The following GRM1 variants were observed in gnomAD, a reference collection of about 807,000 sequenced individuals.
The protein encoded by GRM1 is metabotropic glutamate receptor 1.
GRM1 carries 33 observed loss-of-function variants against 90.9 expected under a neutral mutation model. The observed-to-expected ratio is 0.36, with a 90% confidence interval of 0.28 to 0.49. The LOEUF (loss-of-function observed/expected upper bound fraction) is 0.49. Among genes scored for constraint, GRM1 ranks in the 20% least tolerant of loss-of-function variants. The pLI is 0.99. For missense variants in GRM1, 1,190 were observed against 1,534.3 expected (o/e 0.78, Z 3.75); for synonymous variants, 700 against 613.2 (o/e 1.14, Z -2.09).
chr6:146,202,803 A>G (rs1779347153), intron 2 of GRM1, among the ~76,000 whole-genome samples: 1 of 152,208 alleles, frequency 6.6e-6, no homozygotes, highest in Non-Finnish European at 1.5e-5. Flanking sequence ...CAAGAACTTC[A>G]GCAGAAAACT....
chr6:146,128,681 A>G (rs1297669196), intron 1 of GRM1, among the ~76,000 whole-genome samples: 1 of 152,152 alleles, frequency 6.6e-6, no homozygotes, highest in Admixed American at 6.5e-5. Context: ...AAATATTAAT[A>G]TTTTAGATTT....
At chr6:146,221,430 G>A (rs980382594) in intron 2 of GRM1, among the ~76,000 whole-genome samples, 9 of 152,098 alleles carry the variant, frequency 5.9e-5, no homozygotes, top group Non-Finnish European at 1.3e-4. Context: ...CCACTTATGA[G>A]TGAGAACATG....
intron 2 of GRM1, among the ~76,000 whole-genome samples, chr6:146,165,871 T>G (rs1777886268): frequency 6.6e-6 from 1 of 152,118 alleles, no homozygotes; most frequent in Admixed American, 6.6e-5. Flanking sequence ...TTGATTTACC[T>G]TAAAGTTGGT....
chr6:146,045,212 A>C (rs1298985666), intron 1 of GRM1, among the ~76,000 whole-genome samples: 1 of 152,042 alleles, frequency 6.6e-6, no homozygotes, highest in African/African-American at 2.4e-5. Context: ...AAATTTAAAA[A>C]ATTATAGAAA....
rs545385410 is a variant in GRM1, at chr6:146,387,505, C to T, written c.1729+489C>T. Among the ~76,000 whole-genome samples, 8 of 151,854 alleles carry T rather than the reference C, an allele frequency of 5.3e-5. No individual in the cohort carries two copies. In the South Asian group the frequency reaches 1.7e-3, roughly 32 times the overall value. ...GGCTTTTATTTTGCTTAAAACCTAT[C>T]AGGAACGAAACATGAAAAATATAAT... On this transcript the variant is annotated intron_variant, in intron 6 of 7. Transcript: ENST00000282753.
At chr6:146,247,201 A>G (rs1190741391) in intron 2 of GRM1, among the ~76,000 whole-genome samples, 1 of 152,134 alleles carries the variant, frequency 6.6e-6, no homozygotes, top group African/African-American at 2.4e-5. Flanking sequence ...CTGAGAAAAG[A>G]TTACTTTCTC....
At chr6:146,087,041 T>C (rs1350835439) in intron 1 of GRM1, among the ~76,000 whole-genome samples, 1 of 152,064 alleles carries the variant, frequency 6.6e-6, no homozygotes, top group Non-Finnish European at 1.5e-5. Flanking sequence ...GATCCAAAAC[T>C]TTTATGTTAA....
rs545574041 is a variant in GRM1 at position 146,397,430 on chromosome 6, C to T, written c.1730-1339C>T. Among the ~76,000 whole-genome samples, 783 of 136,564 alleles carry T rather than the reference C, an allele frequency of 5.7e-3. 2 individuals carry two copies. Among genetic ancestry groups the T allele is most frequent in the Non-Finnish European group, 8.1e-3 (535 of 66,414 alleles). The allele number at this position is 136,564 out of a possible 152,430, so 89.6% of individuals were successfully genotyped here. A position where few individuals can be genotyped will look rare whatever the true frequency, so the allele number is the denominator to read the frequency against. ...CGGAGCTTGCAGTGAGCTGAGATTG[C>T]GCCACTGCACTCCAGCCTGGGCAAC... On this transcript the variant is annotated intron_variant, in intron 6 of 7. Coordinates refer to ENST00000282753, the MANE Select transcript of GRM1 (RefSeq NM_001278064.2).
intron 1 of GRM1, among the ~76,000 whole-genome samples, chr6:146,048,044 T>C (rs891844311): frequency 6.6e-6 from 1 of 151,986 alleles, no homozygotes; most frequent in African/African-American, 2.4e-5. Flanking sequence ...GAACCATGCC[T>C]CATCAACTCT....
chr6:146,249,576 T>C (rs1418105553), intron 2 of GRM1, among the ~76,000 whole-genome samples: 1 of 152,048 alleles, frequency 6.6e-6, no homozygotes, highest in Admixed American at 6.6e-5. Flanking sequence ...AGAGGATATA[T>C]GGAAATACCT....
intron 1 of GRM1, among the ~76,000 whole-genome samples, chr6:146,143,471 T>C (rs534049245): frequency 1.3e-5 from 2 of 152,324 alleles, no homozygotes; most frequent in Admixed American, 6.5e-5. Flanking sequence ...GCAGTATGTC[T>C]TTCTGTTAGT....
Position 146,434,100 on chromosome 6 carries a change from C to A in GRM1, c.2889C>A (p.Ala963=), listed in dbSNP as rs770160068. 26 of 1,613,930 alleles carry A rather than the reference C, an allele frequency of 1.6e-5. No homozygotes were observed. The highest frequency in any genetic ancestry group is 2.1e-5 in the Non-Finnish European group (25 of 1,179,992). ...ACAACGTAGAGGAGGAGGAGGATGC[C>A]CAGCCGATTCGCTTTAGCCCGCCTG... ...TLYNVEEEED[A]QPIRFSPPGS... Residue 963 remains alanine, a synonymous_variant, in exon 8 of 8, where the codon GCC becomes GCA. Coordinates refer to ENST00000282753, the MANE Select transcript of GRM1 (RefSeq NM_001278064.2).
chr6:146,272,682 A>G (rs949386840), intron 2 of GRM1, among the ~76,000 whole-genome samples: 1 of 152,204 alleles, frequency 6.6e-6, no homozygotes, highest in Non-Finnish European at 1.5e-5. Context: ...ATTGTTGGAT[A>G]GAATTGAGGA....
chr6:146,385,748 A>G lies in GRM1; in HGVS notation c.1603-1142A>G, dbSNP rs539166617. On this transcript the variant is annotated intron_variant, in intron 5 of 7. Transcript: ENST00000282753. ...ATAATAATTCATTTGGGAAGGGTCT[A>G]TAAAATAAATATGTGGAAGTAAAAT... Among the ~76,000 whole-genome samples, 3 of 152,164 alleles carry G rather than the reference A, an allele frequency of 2.0e-5. No homozygotes were observed. In the South Asian group the frequency reaches 6.2e-4, roughly 32 times the overall value.
Position 146,398,815 on chromosome 6 carries a change from A to T in GRM1, c.1776A>T (p.Glu592Asp), listed in dbSNP as rs772837058. ...GCTATCTTGAGTGGAGCAACATCGA[A>T]TCCATTATAGCCATCGCCTTTTCAT... ...PVRYLEWSNI[E>D]SIIAIAFSCL... Residue 592 changes from glutamate to aspartate, a missense_variant, in exon 7 of 8, where the codon GAA (glutamate) becomes GAT (aspartate). Transcript: ENST00000282753. The T allele has an allele frequency of 3.1e-6, 5 of 1,613,844 alleles. No homozygotes were observed. In the Admixed American group the frequency reaches 8.3e-5, roughly 27 times the overall value.
intron 1 of GRM1, among the ~76,000 whole-genome samples, chr6:146,078,596 T>A (rs909705880): frequency 6.6e-6 from 1 of 152,196 alleles, no homozygotes; most frequent in Non-Finnish European, 1.5e-5. Flanking sequence ...GAAAGACTGA[T>A]TATCACTAGA....
chr6:146,433,912 G>A lies in GRM1; in HGVS notation c.2701G>A (p.Gly901Arg). 4.3e-6 allele frequency: 7 copies of A among 1,613,954 alleles called. No individual in the cohort carries two copies. The highest frequency in any genetic ancestry group is 5.9e-6 in the Non-Finnish European group (7 of 1,179,822). Residue 901 changes from glycine to arginine, a missense_variant, in exon 8 of 8, where the codon GGA (glycine) becomes AGA (arginine). This residue lies in a region of GRM1 where 400 missense variants were observed against 360.8 expected (regional missense o/e 1.11). Coordinates refer to ENST00000282753, the MANE Select transcript of GRM1 (RefSeq NM_001278064.2). ...KSVSWSEPGG[G>R]QVPKGQHMWH... ...TGTGTCATGGTCTGAACCAGGTGGA[G>A]GACAGGTGCCCAAGGGACAGCATAT...
At chr6:146,403,659 A>G (rs886977996) in intron 7 of GRM1, among the ~76,000 whole-genome samples, 1 of 152,096 alleles carries the variant, frequency 6.6e-6, no homozygotes, top group African/African-American at 2.4e-5. Flanking sequence ...AGCATTAGTC[A>G]TTATGTCCTG....
At chr6:146,411,267 A>G (rs77808422) in intron 7 of GRM1, among the ~76,000 whole-genome samples, 1,939 of 152,280 alleles carry the variant, frequency 0.013, 46 homozygotes, top group African/African-American at 0.045. Context: ...AAGGAGAAGC[A>G]GTTGGTTAGG....
Sources: gnomAD v4.1 joint callset for allele counts (sites outside exome capture counted in the v4.1 genomes callset) on GRCh38, gnomAD v4.1.1 for gene constraint, gnomAD v4.1.1 regional missense constraint, MANE v1.5 for transcripts, NCBI Gene and HGNC (gene_info 2026-07-23, HGNC 2026-07-21) for gene names.